Variants in PGAP1 observed in about 807,000 individuals in gnomAD.
PGAP1 encodes GPI inositol-deacylase.
A neutral mutation model predicts 127.0 loss-of-function variants in PGAP1; 76 were observed. The observed-to-expected ratio is 0.60, with a 90% confidence interval of 0.50 to 0.72. The LOEUF is 0.72. Among genes scored for constraint, PGAP1 ranks in the 30% least tolerant of loss-of-function variants. The pLI, the probability that PGAP1 is intolerant of heterozygous loss-of-function variation, is 0.00. For missense variants in PGAP1, 982 were observed against 1,071.3 expected (o/e 0.92, Z 1.16); for synonymous variants, 362 against 366.5 (o/e 0.99, Z 0.14).
At chr2:196,849,091 C>T (rs1056212811) in intron 20 of PGAP1, among the ~76,000 whole-genome samples, 1 of 152,060 alleles carries the variant, frequency 6.6e-6, no homozygotes, top group African/African-American at 2.4e-5. Flanking sequence ...GTACTTAAAG[C>T]CTCTAGATTA....
Position 196,833,137 on chromosome 2 carries a change from C to T in PGAP1, c.*8097G>A, listed in dbSNP as rs534574249. The stretch of plus-strand genomic sequence containing the variant: ...GGCAAATATTCATCTATTAAACCTA[C>T]ACCATAATGCTCAAACACAGGTAAA... On this transcript the variant is annotated 3_prime_UTR_variant, in exon 27 of 27. Transcript: ENST00000354764. 2.0e-5 allele frequency: 3 copies of T among 152,672 alleles called. No individual in the cohort carries two copies. Among genetic ancestry groups the T allele is most frequent in the East Asian group, 1.9e-4 (1 of 5,184 alleles). The allele number at this position is 152,672 out of a possible 1,614,324, so 9.5% of individuals were successfully genotyped here.
At position 196,880,071 on chromosome 2, in the gene PGAP1, G is replaced by GTTT. The variant is rs759795498; in HGVS notation, c.1350+4_1350+5insAAA. On this transcript the variant is annotated splice_donor_region_variant and intron_variant, in intron 13 of 26. Transcript: ENST00000354764. ...TTCTAATAACAATCTTAACCCACTTGTTACCTTACTTCCACGAACAGATGG... is the reference window on the plus strand; with the variant it reads ...TTCTAATAACAATCTTAACCCACTTGTTTTTACCTTACTTCCACGAACAGATGG... The GTTT allele has an allele frequency of 6.3e-7, 1 of 1,591,774 alleles. No individual in the cohort carries two copies. The highest frequency in any genetic ancestry group is 8.6e-7 in the Non-Finnish European group (1 of 1,162,380).
chr2:196,905,651 G>C (rs371826426), intron 4 of PGAP1, among the ~76,000 whole-genome samples: 1 of 151,882 alleles, frequency 6.6e-6, no homozygotes, highest in East Asian at 1.9e-4. Context: ...CGTGAGCGAC[G>C]CAGAAGACGG....
chr2:196,897,272 A>G (rs555076291), intron 6 of PGAP1, 75 bp from the exon 7 acceptor site: 9 of 873,448 alleles, frequency 1.0e-5, no homozygotes, highest in Non-Finnish European at 1.4e-5. Context: ...GCACAATTCT[A>G]TTGTTTAGTG....
In PGAP1 at chr2:196,842,784, G is replaced by A. The variant is rs759396648; in HGVS notation, c.2567C>T (p.Ala856Val). ...TGCCATAGTCGGAATAAGGATAAAT[G>A]CCAAAGGTTTACATGGATCAGGATT... ...KLNPDPCKPL[A>V]FILIPTMAIL... Residue 856 changes from alanine to valine, a missense_variant, in exon 26 of 27, where the codon GCA becomes GTA. Transcript: ENST00000354764. 1.3e-6 allele frequency: 2 copies of A among 1,585,524 alleles called. No homozygotes were observed. The highest frequency in any genetic ancestry group is 1.7e-5 in the Admixed American group (1 of 57,920).
Position 196,836,361 on chromosome 2 carries a change from G to A in PGAP1, c.*4873C>T, listed in dbSNP as rs1700236271. 1 of 152,664 alleles carries A rather than the reference G, an allele frequency of 6.6e-6. No homozygotes were observed. Among genetic ancestry groups the A allele is most frequent in the African/African-American group, 2.4e-5 (1 of 41,574 alleles). 9.5% of individuals were successfully genotyped at this position (152,664 alleles called of 1,614,324 possible). On this transcript the variant is annotated 3_prime_UTR_variant, in exon 27 of 27. Transcript: ENST00000354764. ...GAAGGACATGTTATGAATTTACACT[G>A]TTAATGGAAAAACAGCTTGATTATT...
intron 19 of PGAP1, among the ~76,000 whole-genome samples, chr2:196,869,613 C>T (rs1306161136): frequency 2.6e-5 from 4 of 152,272 alleles, no homozygotes; most frequent in South Asian, 4.1e-4. Flanking sequence ...GGATTACAGG[C>T]GTGAGCCACC....
At chr2:196,877,216 TTTG>T (rs1701595228) in intron 13 of PGAP1, among the ~76,000 whole-genome samples, 1 of 152,002 alleles carries the variant, frequency 6.6e-6, no homozygotes. Flanking sequence ...GTTTAATTAT[TTTG>T]TTTTCTGTTA....
At chr2:196,888,774 A>C (rs1455989625) in intron 10 of PGAP1, among the ~76,000 whole-genome samples, 1 of 152,196 alleles carries the variant, frequency 6.6e-6, no homozygotes, top group Non-Finnish European at 1.5e-5. Context: ...GATGATACTA[A>C]GGAATTAGTA....
intron 20 of PGAP1, among the ~76,000 whole-genome samples, chr2:196,864,451 T>C (rs564101326): frequency 1.3e-5 from 2 of 152,094 alleles, no homozygotes; most frequent in Admixed American, 1.3e-4. Flanking sequence ...TTGTTAATTT[T>C]TTGATGTGTA....
At chr2:196,855,131 T>C (rs1400637419) in intron 20 of PGAP1, among the ~76,000 whole-genome samples, 2 of 151,694 alleles carry the variant, frequency 1.3e-5, no homozygotes, top group African/African-American at 4.8e-5. Context: ...GAGACCAGCC[T>C]GGGCAACATG....
Position 196,892,364 on chromosome 2 carries a change from C to A in PGAP1, c.1071G>T (p.Trp357Cys). The A allele has an allele frequency of 1.4e-6, 2 of 1,480,330 alleles. No homozygotes were observed. Among genetic ancestry groups the A allele is most frequent in the Non-Finnish European group, 1.8e-6 (2 of 1,081,592 alleles). The allele number at this position is 1,480,330 out of a possible 1,614,324, so 91.7% of individuals were successfully genotyped here. ...SMWVLVKVSK[W>C]TYVAYNESEK... The stretch of plus-strand genomic sequence containing the variant: ...TACTTACGTTGTAAGCTACATAGGT[C>A]CATTTGGACACTTTTACTAGAACCC... Residue 357 changes from tryptophan (W) to cysteine (C), a missense_variant, in exon 9 of 27, where the codon TGG (tryptophan) becomes TGT (cysteine). Transcript: ENST00000354764.
At chr2:196,924,409 T>C (rs1703305169) in intron 1 of PGAP1, among the ~76,000 whole-genome samples, 1 of 152,216 alleles carries the variant, frequency 6.6e-6, no homozygotes, top group Non-Finnish European at 1.5e-5. Context: ...GAAAGCCATT[T>C]GGTTCTCAAC....
At chr2:196,904,535 A>C (rs1182969187) in intron 4 of PGAP1, among the ~76,000 whole-genome samples, 1 of 152,120 alleles carries the variant, frequency 6.6e-6, no homozygotes, top group Admixed American at 6.6e-5. Context: ...CAAGAGATCG[A>C]GACCATCCTG....
At chr2:196,886,157 CTTT>C (rs768495810) in intron 10 of PGAP1, among the ~76,000 whole-genome samples, 4 of 122,146 alleles carry the variant, frequency 3.3e-5, no homozygotes, top group Non-Finnish European at 1.7e-5. Context: ...CTGGTTATCT[CTTT>C]TTTTTTTTTT....
intron 12 of PGAP1, 121 bp downstream of exon 12, chr2:196,885,303 G>A (rs747580989): frequency 1.7e-6 from 1 of 595,400 alleles, no homozygotes; most frequent in Non-Finnish European, 2.9e-6. Flanking sequence ...TTAAATGTAG[G>A]TTAGTAAATC....
At position 196,889,874 on chromosome 2, in the gene PGAP1, A is replaced by G. The variant is rs575871346; in HGVS notation, c.1173+954T>C. Reference sequence around the variant, plus strand: ...ACTCCGTCTCAAAAAAAAAAAAAAAAAAAAGAAAAAATCCTGAAAGTAAGA... The same window carrying G: ...ACTCCGTCTCAAAAAAAAAAAAAAAGAAAAGAAAAAATCCTGAAAGTAAGA... On this transcript the variant is annotated intron_variant, in intron 10 of 26. Transcript: ENST00000354764. Among the ~76,000 whole-genome samples the G allele has an allele frequency of 1.4e-3, 218 of 151,776 alleles. 1 individual carries two copies. The highest frequency in any genetic ancestry group is 4.8e-3 in the African/African-American group (200 of 41,436).
chr2:196,886,525 A>G (rs1218377657), intron 10 of PGAP1, among the ~76,000 whole-genome samples: 2 of 152,152 alleles, frequency 1.3e-5, no homozygotes, highest in African/African-American at 4.8e-5. Context: ...GATTTCAGTA[A>G]TGTCCATACT....
chr2:196,847,003 C>T lies in PGAP1; in HGVS notation c.2150G>A (p.Arg717Lys). ...AAGCTGTTAATCATTCATTCTTTACCTTTTCAAAGCTAGCCACAATGAAGA... is the reference window on the plus strand; with the variant it reads ...AAGCTGTTAATCATTCATTCTTTACTTTTTCAAAGCTAGCCACAATGAAGA... ...LLSSLWLALK[R>K]PSELPKDIKM... The change falls in exon 22 of 27, where the codon AGA (arginine) becomes AAA (lysine). Residue 717 changes from arginine to lysine, a missense_variant and splice_region_variant. Coordinates refer to ENST00000354764, the MANE Select transcript of PGAP1 (RefSeq NM_024989.4). 4.4e-6 allele frequency: 7 copies of T among 1,609,168 alleles called. No homozygotes were observed. The highest frequency in any genetic ancestry group is 5.9e-6 in the Non-Finnish European group (7 of 1,177,252).
Sources: allele counts gnomAD v4.1 joint callset (sites outside exome capture counted in the v4.1 genomes callset), GRCh38; gene constraint gnomAD v4.1.1; transcripts MANE v1.5; gene names NCBI Gene and HGNC (gene_info 2026-07-23, HGNC 2026-07-21).